Variants in NEDD1 observed in about 807,000 individuals in gnomAD.
NEDD1 encodes the protein protein NEDD1.
Under a neutral mutation model 74.0 loss-of-function variants are expected in NEDD1, and 33 were observed. The ratio of observed to expected loss-of-function variants is 0.45; its 90% CI spans 0.34 to 0.60. The LOEUF is 0.60. Among genes scored for constraint, NEDD1 ranks in the 20% least tolerant of loss-of-function variants. NEDD1 has a pLI of 0.01. For missense variants in NEDD1, 746 were observed against 776.5 expected (o/e 0.96, Z 0.47); for synonymous variants, 250 against 264.4 (o/e 0.95, Z 0.53).
intron 3 of NEDD1, 48 bp downstream of exon 3, chr12:96,909,943 A>G (rs375928589): frequency 4.5e-6 from 7 of 1,562,984 alleles, no homozygotes; most frequent in East Asian, 2.3e-5. Context: ...CAAACCGCTT[A>G]TTAGGTTAAA....
chr12:96,941,026 G>A (rs1346630974), intron 10 of NEDD1, among the ~76,000 whole-genome samples: 1 of 152,056 alleles, frequency 6.6e-6, no homozygotes, highest in Non-Finnish European at 1.5e-5. Context: ...TCTGAACTAA[G>A]TACATTGTTT....
rs1342810637 is a variant in NEDD1 at position 96,952,857 on chromosome 12, A to C, written c.*804A>C. On this transcript the variant is annotated 3_prime_UTR_variant, in exon 16 of 16. Transcript: ENST00000266742. ...AGTGGAGATTTCATATTAGGTACTA[A>C]ATATTATAGTATTATTTCTATTTTC... The C allele has an allele frequency of 6.6e-6, 1 of 151,702 alleles. No individual in the cohort carries two copies. The highest frequency in any genetic ancestry group is 6.6e-5 in the Admixed American group (1 of 15,214). 9.4% of individuals were successfully genotyped at this position (151,702 alleles called of 1,614,324 possible).
chr12:96,913,615 G>A (rs1336723514), intron 4 of NEDD1, among the ~76,000 whole-genome samples: 10 of 151,696 alleles, frequency 6.6e-5, no homozygotes, highest in African/African-American at 1.9e-4. Flanking sequence ...CTCATGATCC[G>A]CCCGCCTCAG....
chr12:96,932,464 AT>A (rs1354309522), intron 6 of NEDD1, among the ~76,000 whole-genome samples: 645 of 36,134 alleles, frequency 0.018, 19 homozygotes, highest in Non-Finnish European at 0.022. Context: ...AAAAAAAAAA[AT>A]ATATATATAT....
chr12:96,946,191 A>G (rs76693823), intron 14 of NEDD1, among the ~76,000 whole-genome samples: 2,058 of 152,256 alleles, frequency 0.014, 25 homozygotes, highest in Middle Eastern at 0.031. Flanking sequence ...TCTATTAGGT[A>G]TGCTGTGTGC....
chr12:96,943,617 C>T lies in NEDD1; in HGVS notation c.1352C>T (p.Thr451Ile), dbSNP rs1038457163. The T allele has an allele frequency of 6.2e-7, 1 of 1,612,732 alleles. No homozygotes were observed. The highest frequency in any genetic ancestry group is 8.5e-7 in the Non-Finnish European group (1 of 1,178,894). Residue 451 changes from threonine to isoleucine, a missense_variant, in exon 12 of 16, where the codon ACT (threonine) becomes ATT (isoleucine). By Grantham distance (89) the Thr-to-Ile change is moderately conservative (BLOSUM62 -1). Around this residue, in one of 3 missense-constraint regions of NEDD1, gnomAD observed 706 missense variants for 706.7 expected, o/e 1.00. Transcript: ENST00000266742. ...SVFPPRKNPVTSSTSVLHSSP... is the reference protein window; with the variant it reads ...SVFPPRKNPVISSTSVLHSSP... ...TTTCCTCCAAGAAAAAATCCAGTAA[C>T]TTCAAGTACTTCAGTATTGCATTCT... is the stretch of plus-strand genomic sequence containing the variant.
At chr12:96,951,853 A>C in intron 15 of NEDD1, 96 bp from the exon 16 acceptor site, 2 of 674,800 alleles carry the variant, frequency 3.0e-6, no homozygotes, top group Non-Finnish European at 5.2e-6. Flanking sequence ...AGTTAATTGA[A>C]CATGAGAGAA....
At chr12:96,919,391 C>G (rs552517682) in intron 5 of NEDD1, among the ~76,000 whole-genome samples, 1 of 152,290 alleles carries the variant, frequency 6.6e-6, no homozygotes, top group South Asian at 2.1e-4. Flanking sequence ...CCTTGCCCCT[C>G]AGGCTTTTCT....
intron 2 of NEDD1, among the ~76,000 whole-genome samples, chr12:96,908,636 T>G (rs922239342): frequency 6.6e-6 from 1 of 152,216 alleles, no homozygotes; most frequent in African/African-American, 2.4e-5. Context: ...AATAAATGAT[T>G]GAAGGCATCG....
In NEDD1 at chr12:96,952,177, A is replaced by G. The variant is rs2304697; in HGVS notation, c.*124A>G. On this transcript the variant is annotated 3_prime_UTR_variant, in exon 16 of 16. Transcript: ENST00000266742. ...ATGTTTTTCAAGTAAGAGTAAAAGG[A>G]TGATGGGATTTTATACCAACAACTG... 0.85 allele frequency: 522,949 copies of G among 617,068 alleles called. 222,497 individuals are homozygous for G. Among genetic ancestry groups the G allele is most frequent in the African/African-American group, 0.96 (51,303 of 53,190 alleles). 38.2% of individuals were successfully genotyped at this position (617,068 alleles called of 1,614,324 possible).
intron 14 of NEDD1, among the ~76,000 whole-genome samples, chr12:96,946,483 G>A (rs1878213156): frequency 6.6e-6 from 1 of 152,082 alleles, no homozygotes; most frequent in Admixed American, 6.6e-5. Context: ...ATTACCGTAA[G>A]CAAGAATGTT....
At chr12:96,937,125 GA>G (rs1877192296) in intron 8 of NEDD1, 72 bp from the exon 9 acceptor site, 1 of 814,512 alleles carries the variant, frequency 1.2e-6, no homozygotes, top group African/African-American at 1.8e-5. Context: ...ATCTAACAGG[GA>G]ATTTATAAAA....
At chr12:96,940,345 C>A in intron 9 of NEDD1, 64 bp from the exon 10 acceptor site, 2 of 983,592 alleles carry the variant, frequency 2.0e-6, no homozygotes, top group Non-Finnish European at 3.0e-6. Flanking sequence ...ATTTTTACAA[C>A]CTAGCTTATG....
Position 96,950,104 on chromosome 12 carries a change from A to C in NEDD1, c.1812-1328A>C, listed in dbSNP as rs544496724. On this transcript the variant is annotated intron_variant, in intron 14 of 15. Coordinates refer to ENST00000266742, the MANE Select transcript of NEDD1 (RefSeq NM_152905.4). ...AATAACAAAGGATCAGATTATGTAAAGAATGCTTATAAATGAATAAGAAAA... is the reference window on the plus strand; with the variant it reads ...AATAACAAAGGATCAGATTATGTAACGAATGCTTATAAATGAATAAGAAAA... 2.6e-5 allele frequency among the ~76,000 whole-genome samples: 4 copies of C among 152,174 alleles called. No individual in the cohort carries two copies. In the East Asian group the frequency reaches 7.7e-4, roughly 29 times the overall value.
intron 7 of NEDD1, among the ~76,000 whole-genome samples, chr12:96,935,760 C>G (rs558141877): frequency 2.0e-5 from 3 of 152,066 alleles, no homozygotes; most frequent in African/African-American, 4.8e-5. Context: ...TGTACATAAT[C>G]CTCTAAGCAT....
chr12:96,908,586 A>G (rs1406168438), intron 2 of NEDD1, among the ~76,000 whole-genome samples: 7 of 152,212 alleles, frequency 4.6e-5, no homozygotes, highest in Non-Finnish European at 1.0e-4. Context: ...GGTTTGTGAA[A>G]TCACCTTGTT....
intron 6 of NEDD1, among the ~76,000 whole-genome samples, chr12:96,928,120 A>G (rs556626028): frequency 1.3e-5 from 2 of 152,228 alleles, no homozygotes; most frequent in Admixed American, 6.5e-5. Flanking sequence ...GTAGAAAGCT[A>G]TTTGAAAGAT....
chr12:96,939,517 T>C (rs188721318), intron 9 of NEDD1, among the ~76,000 whole-genome samples: 1 of 152,206 alleles, frequency 6.6e-6, no homozygotes, highest in Admixed American at 6.5e-5. Flanking sequence ...GGCTGTTCTT[T>C]GTTTTCATCT....
intron 9 of NEDD1, among the ~76,000 whole-genome samples, chr12:96,939,323 T>A (rs935822093): frequency 6.6e-6 from 1 of 152,040 alleles, no homozygotes; most frequent in Admixed American, 6.6e-5. Context: ...GGCTGAGTTA[T>A]GCATTCAAAC....
Sources: gnomAD v4.1 joint callset for allele counts (sites outside exome capture counted in the v4.1 genomes callset) on GRCh38, gnomAD v4.1.1 for gene constraint, gnomAD v4.1.1 regional missense constraint, MANE v1.5 for transcripts, NCBI Gene and HGNC (gene_info 2026-07-23, HGNC 2026-07-21) for gene names.